The following CNTLN variants were observed in gnomAD, a reference collection of about 807,000 sequenced individuals.
CNTLN encodes the protein centlein.
A neutral mutation model predicts 180.0 loss-of-function variants in CNTLN; 212 were observed. That is an observed-to-expected ratio of 1.18 (90% CI 1.05 to 1.32). The LOEUF (loss-of-function observed/expected upper bound fraction) is 1.32. CNTLN is among the 40% of genes most tolerant of loss of function. The pLI, the probability that CNTLN is intolerant of heterozygous loss-of-function variation, is 0.00. For missense variants in CNTLN, 2,095 were observed against 1,610.9 expected, an observed-to-expected ratio of 1.30 and a Z score of -5.14; for synonymous variants, 722 against 563.1, an observed-to-expected ratio of 1.28 and a Z score of -3.99.
chr9:17,369,200 C>T (rs761458842), intron 13 of CNTLN, among the ~76,000 whole-genome samples: 37 of 151,980 alleles, frequency 2.4e-4, no homozygotes, highest in South Asian at 2.1e-4. Context: ...GGGCTTTTTC[C>T]CCGTTCGCTT....
intron 2 of CNTLN, among the ~76,000 whole-genome samples, chr9:17,188,298 C>A (rs1370245026): frequency 6.6e-6 from 1 of 151,966 alleles, no homozygotes; most frequent in East Asian, 1.9e-4. Context: ...GTGTGAAATT[C>A]TGAAGATTAG....
At chr9:17,256,271 C>T (rs1182294616) in intron 5 of CNTLN, among the ~76,000 whole-genome samples, 1 of 151,912 alleles carries the variant, frequency 6.6e-6, no homozygotes, top group African/African-American at 2.4e-5. Flanking sequence ...TGAGTAATCC[C>T]AGTAATGGGA....
rs1303530406 is a variant in CNTLN at position 17,426,577 on chromosome 9, TTTTA to T, written c.3114+10392_3114+10395del. ...TATATACATTTTATATATGTAATAA[TTTTA>T]TTTGAGTTATTAGAATCTTTTTTAT... On this transcript the variant is annotated intron_variant, in intron 18 of 25. Coordinates refer to ENST00000380647, the MANE Select transcript of CNTLN (RefSeq NM_017738.4). 4.0e-5 allele frequency among the ~76,000 whole-genome samples: 6 copies of T among 151,884 alleles called. 1 individual carries two copies. In the South Asian group the frequency reaches 1.0e-3, roughly 26 times the overall value.
Position 17,229,929 on chromosome 9 carries a change from A to T in CNTLN, c.534+3642A>T, listed in dbSNP as rs186353118. Among the ~76,000 whole-genome samples the T allele has an allele frequency of 2.0e-3, 311 of 152,276 alleles. 1 individual carries two copies. Among genetic ancestry groups the T allele is most frequent in the African/African-American group, 7.2e-3 (298 of 41,568 alleles). On this transcript the variant is annotated intron_variant, in intron 3 of 25. Coordinates refer to ENST00000380647, the MANE Select transcript of CNTLN (RefSeq NM_017738.4). ...TTGAATTTTTGTAGAGATTTTATAA[A>T]TATCCTTGATATGCATAATTCAGTT...
At chr9:17,318,012 A>T (rs895474760) in intron 8 of CNTLN, among the ~76,000 whole-genome samples, 3 of 147,610 alleles carry the variant, frequency 2.0e-5, no homozygotes, top group East Asian at 2.0e-4. Context: ...ATCTAACTGA[A>T]TTTTTTTTTT....
At chr9:17,169,639 C>A (rs115328399) in intron 2 of CNTLN, among the ~76,000 whole-genome samples, 2,887 of 151,952 alleles carry the variant, frequency 0.019, 56 homozygotes, top group African/African-American at 0.05. Flanking sequence ...TTTCTCGGTA[C>A]CATTTATTGA....
intron 2 of CNTLN, among the ~76,000 whole-genome samples, chr9:17,163,718 G>A (rs763590246): frequency 2.0e-5 from 3 of 152,120 alleles, no homozygotes; most frequent in Non-Finnish European, 4.4e-5. Flanking sequence ...ATAAATAAGT[G>A]TATTTGCATA....
At chr9:17,265,796 T>C (rs548108524) in intron 5 of CNTLN, among the ~76,000 whole-genome samples, 1 of 152,246 alleles carries the variant, frequency 6.6e-6, no homozygotes, top group South Asian at 2.1e-4. Context: ...AATTTATCCA[T>C]TTCTTCTACA....
At chr9:17,353,581 G>A (rs1438922527) in intron 12 of CNTLN, among the ~76,000 whole-genome samples, 2 of 145,088 alleles carry the variant, frequency 1.4e-5, no homozygotes, top group African/African-American at 5.1e-5. Context: ...TTTTTTTATT[G>A]TAATAGTTTT....
intron 13 of CNTLN, among the ~76,000 whole-genome samples, chr9:17,368,710 T>A (rs910960171): frequency 1.7e-4 from 26 of 152,314 alleles, no homozygotes; most frequent in African/African-American, 5.5e-4. Flanking sequence ...TGCCTGGTAA[T>A]CCAGAGAATT....
chr9:17,408,624 A>T (rs1175666638), intron 15 of CNTLN, among the ~76,000 whole-genome samples: 2 of 151,952 alleles, frequency 1.3e-5, no homozygotes, highest in Non-Finnish European at 2.9e-5. Context: ...ACACAGTGAA[A>T]CCCTATCTCT....
At chr9:17,379,927 A>G (rs1825091625) in intron 13 of CNTLN, among the ~76,000 whole-genome samples, 1 of 152,174 alleles carries the variant, frequency 6.6e-6, no homozygotes, top group Non-Finnish European at 1.5e-5. Context: ...TGAAAATTGC[A>G]ATTTATAACG....
At chr9:17,364,952 G>A (rs10738476) in intron 12 of CNTLN, among the ~76,000 whole-genome samples, 89,099 of 152,020 alleles carry the variant, frequency 0.59, 26,431 homozygotes, top group East Asian at 0.73. Context: ...AACTATTTTA[G>A]TGAAACTCTA....
chr9:17,143,945 C>G lies in CNTLN; in HGVS notation c.449+569C>G, dbSNP rs183350413. ...AAACAGTGGAATGATGCTGGGTTCT[C>G]TCTATCAAACATTTGGTATACAGTA... On this transcript the variant is annotated intron_variant, in intron 2 of 25. Coordinates refer to ENST00000380647, the MANE Select transcript of CNTLN (RefSeq NM_017738.4). Among the ~76,000 whole-genome samples, 50 of 152,314 alleles carry G rather than the reference C, an allele frequency of 3.3e-4. 1 individual carries two copies. Among genetic ancestry groups the G allele is most frequent in the African/African-American group, 1.2e-3 (49 of 41,564 alleles).
chr9:17,432,657 C>A (rs1239678290), intron 18 of CNTLN, among the ~76,000 whole-genome samples: 1 of 152,016 alleles, frequency 6.6e-6, no homozygotes, highest in Non-Finnish European at 1.5e-5. Context: ...GACAGTAGAA[C>A]AGATCTTCAG....
At chr9:17,258,513 A>G (rs982750535) in intron 5 of CNTLN, among the ~76,000 whole-genome samples, 23 of 151,432 alleles carry the variant, frequency 1.5e-4, no homozygotes, top group Admixed American at 9.2e-4. Context: ...AATTCTGTGA[A>G]GAAAGTCATT....
intron 25 of CNTLN, among the ~76,000 whole-genome samples, chr9:17,495,248 T>C (rs1189494396): frequency 1.3e-5 from 2 of 151,928 alleles, no homozygotes; most frequent in Non-Finnish European, 2.9e-5. Flanking sequence ...AAAACTTAAC[T>C]GTAAAACAGC....
chr9:17,176,325 T>C (rs1820716981), intron 2 of CNTLN, among the ~76,000 whole-genome samples: 2 of 152,162 alleles, frequency 1.3e-5, no homozygotes, highest in African/African-American at 4.8e-5. Flanking sequence ...TTCCATGAAA[T>C]GCTTGTACTG....
intron 1 of CNTLN, among the ~76,000 whole-genome samples, chr9:17,137,910 A>G (rs1018976180): frequency 3.3e-5 from 5 of 152,222 alleles, no homozygotes; most frequent in African/African-American, 1.2e-4. Context: ...TAAACTTTAA[A>G]AAAATATGGC....
Sources: gnomAD v4.1 joint callset for allele counts (sites outside exome capture counted in the v4.1 genomes callset) on GRCh38, gnomAD v4.1.1 for gene constraint, MANE v1.5 for transcripts, NCBI Gene and HGNC (gene_info 2026-07-23, HGNC 2026-07-21) for gene names.